NBAS: variants seen among roughly 807,000 people sequenced by gnomAD.
The protein encoded by NBAS is NAG/BC035112 fusion.
NBAS carries 219 observed loss-of-function variants against 302.5 expected under a neutral mutation model. That is an observed-to-expected ratio of 0.72 (90% CI 0.65 to 0.81). The LOEUF is 0.81. Among genes scored for constraint, NBAS ranks in the 30% least tolerant of loss-of-function variants. The probability of loss-of-function intolerance (pLI) is 0.00; values close to 1 mark genes in which losing one functional copy is unlikely to be tolerated. For missense variants in NBAS, 2,932 were observed against 2,841.6 expected (o/e 1.03, Z -0.72); for synonymous variants, 1,118 against 1,021.6 (o/e 1.09, Z -1.80).
chr2:15,251,774 C>A (rs191126040), intron 44 of NBAS, among the ~76,000 whole-genome samples: 7 of 152,272 alleles, frequency 4.6e-5, no homozygotes, highest in Non-Finnish European at 8.8e-5. Context: ...TTCTTTACTG[C>A]AAGCTGTTTT....
the NBAS span, among the ~76,000 whole-genome samples, chr2:15,056,138 A>AAAG: frequency 6.6e-6 from 1 of 152,062 alleles, no homozygotes; most frequent in Non-Finnish European, 1.5e-5. Context: ...CCATGAGCAA[A>AAAG]AAGATTCAAG....
At chr2:15,209,827 A>G (rs1041064300) in intron 48 of NBAS, among the ~76,000 whole-genome samples, 5 of 152,218 alleles carry the variant, frequency 3.3e-5, no homozygotes, top group Non-Finnish European at 7.3e-5. Flanking sequence ...CCAAGCATCT[A>G]CAGTAAACCC....
the NBAS span, among the ~76,000 whole-genome samples, chr2:14,875,197 G>C: frequency 6.6e-6 from 1 of 152,120 alleles, no homozygotes; most frequent in South Asian, 2.1e-4. Flanking sequence ...TTTGTAGACT[G>C]TATGAGCTGA....
chr2:15,109,898 A>G, the NBAS span, among the ~76,000 whole-genome samples: 13 of 152,268 alleles, frequency 8.5e-5, 1 homozygote, highest in South Asian at 2.7e-3. Context: ...GTTTATTAAC[A>G]TTATGTTAGT....
chr2:15,018,617 T>C, the NBAS span, among the ~76,000 whole-genome samples: 5 of 151,564 alleles, frequency 3.3e-5, no homozygotes, highest in Non-Finnish European at 7.4e-5. Flanking sequence ...TAAAAAGTTG[T>C]TTTGCATAGA....
the NBAS span, among the ~76,000 whole-genome samples, chr2:14,848,220 C>T: frequency 1.7e-3 from 258 of 151,294 alleles, 1 homozygote; most frequent in African/African-American, 5.8e-3. Flanking sequence ...AGTGGGTGCG[C>T]GCACCATGCG....
intron 32 of NBAS, among the ~76,000 whole-genome samples, chr2:15,357,875 A>G (rs1348735118): frequency 2.6e-5 from 4 of 152,102 alleles, no homozygotes; most frequent in East Asian, 1.9e-4. Context: ...CCACACCACT[A>G]TCTTGCTGGC....
the NBAS span, among the ~76,000 whole-genome samples, chr2:14,996,152 A>G: frequency 1.3e-5 from 2 of 152,166 alleles, no homozygotes; most frequent in Admixed American, 1.3e-4. Flanking sequence ...GTCTGAATCC[A>G]GAGAAGACAG....
intron 9 of NBAS, among the ~76,000 whole-genome samples, chr2:15,512,853 T>C (rs764953846): frequency 2.0e-5 from 3 of 152,242 alleles, no homozygotes; most frequent in Non-Finnish European, 4.4e-5. Flanking sequence ...GTTTGTGTTA[T>C]GTCACCAAGT....
At chr2:15,313,273 T>C (rs186024315) in intron 38 of NBAS, among the ~76,000 whole-genome samples, 1 of 152,342 alleles carries the variant, frequency 6.6e-6, no homozygotes, top group Admixed American at 6.5e-5. Flanking sequence ...AAAATTAATC[T>C]AAAACACAAA....
At chr2:15,327,991 C>G in intron 37 of NBAS, 121 bp from the exon 38 acceptor site, 1 of 1,379,584 alleles carries the variant, frequency 7.2e-7, no homozygotes, top group Non-Finnish European at 1.0e-6. Flanking sequence ...TGCTCACAAA[C>G]TAAAGCATGT....
the NBAS span, among the ~76,000 whole-genome samples, chr2:14,974,952 A>G: frequency 6.6e-6 from 1 of 152,206 alleles, no homozygotes; most frequent in Non-Finnish European, 1.5e-5. Flanking sequence ...AAAGCACAAG[A>G]AGAATTCAAC....
chr2:15,116,978 T>C, the NBAS span, among the ~76,000 whole-genome samples: 2 of 152,188 alleles, frequency 1.3e-5, no homozygotes, highest in African/African-American at 4.8e-5. Context: ...TCATTAATTC[T>C]CTCCTACTTC....
At chr2:15,370,813 T>G (rs368630949) in intron 31 of NBAS, among the ~76,000 whole-genome samples, 4 of 152,334 alleles carry the variant, frequency 2.6e-5, no homozygotes, top group Admixed American at 2.6e-4. Context: ...GTAACTAACT[T>G]TTGATTTTAC....
the NBAS span, among the ~76,000 whole-genome samples, chr2:14,836,845 G>A: frequency 6.6e-6 from 1 of 151,822 alleles, no homozygotes; most frequent in Admixed American, 6.6e-5. Context: ...ATTTACTTCA[G>A]TATTCATTAA....
chr2:15,086,387 A>G, the NBAS span, among the ~76,000 whole-genome samples: 3 of 152,316 alleles, frequency 2.0e-5, no homozygotes, highest in African/African-American at 2.4e-5. Context: ...CCTCTTGCTT[A>G]TCCTCCACTT....
the NBAS span, among the ~76,000 whole-genome samples, chr2:15,044,115 G>C: frequency 7.1e-6 from 1 of 141,542 alleles, no homozygotes; most frequent in Admixed American, 7.7e-5. Flanking sequence ...GCTGAACAGA[G>C]AGAAAACTTA....
At chr2:15,084,725 T>A in the NBAS span, among the ~76,000 whole-genome samples, 5 of 151,412 alleles carry the variant, frequency 3.3e-5, no homozygotes, top group African/African-American at 1.2e-4. Context: ...CGCTTGCCAC[T>A]CCTCCTCATC....
At chr2:15,107,608 AGAAG>A in the NBAS span, among the ~76,000 whole-genome samples, 1 of 152,174 alleles carries the variant, frequency 6.6e-6, no homozygotes, top group African/African-American at 2.4e-5. Flanking sequence ...ACAAACCAAC[AGAAG>A]GAAGCAACAT....
Sources: allele counts gnomAD v4.1 joint callset (sites outside exome capture counted in the v4.1 genomes callset), GRCh38; gene constraint gnomAD v4.1.1; transcripts MANE v1.5; gene names NCBI Gene and HGNC (gene_info 2026-07-23, HGNC 2026-07-21).